CELF2: variants seen among roughly 807,000 people sequenced by gnomAD.
The protein encoded by CELF2 is CUG triplet repeat RNA-binding protein 2.
CELF2 carries 8 observed loss-of-function variants against 62.6 expected under a neutral mutation model. That is an observed-to-expected ratio of 0.13 (90% CI 0.07 to 0.23). CELF2 has a LOEUF of 0.23. Ranked by LOEUF, CELF2 falls within the 10% of genes least tolerant of loss-of-function variation. The probability of loss-of-function intolerance (pLI) is 1.00; values close to 1 mark genes in which losing one functional copy is unlikely to be tolerated. For missense variants in CELF2, 333 were observed against 671.0 expected (o/e 0.50, Z 5.56); for synonymous variants, 258 against 250.0 (o/e 1.03, Z -0.30).
the CELF2 span, among the ~76,000 whole-genome samples, chr10:10,558,306 T>C: frequency 6.6e-6 from 1 of 151,848 alleles, no homozygotes; most frequent in Non-Finnish European, 1.5e-5. Context: ...GTGTTTTTTG[T>C]CTTTGGTTCT....
intron 4 of CELF2, among the ~76,000 whole-genome samples, chr10:11,252,131 G>A (rs989517762): frequency 6.6e-5 from 10 of 152,292 alleles, no homozygotes; most frequent in Non-Finnish European, 1.0e-4. Context: ...GAACAGCTTC[G>A]AGGTTCTCTT....
At chr10:10,800,369 G>C (rs1308552333) in intron 1 of CELF2, among the ~76,000 whole-genome samples, 1 of 148,514 alleles carries the variant, frequency 6.7e-6, no homozygotes, top group Non-Finnish European at 1.5e-5. Context: ...TTTTTTTTTT[G>C]AGATGCAGTT....
At chr10:10,525,328 A>G in the CELF2 span, among the ~76,000 whole-genome samples, 1 of 152,280 alleles carries the variant, frequency 6.6e-6, no homozygotes, top group African/African-American at 2.4e-5. Flanking sequence ...TGGCTGACAC[A>G]AATTCATAAA....
intron 1 of CELF2, among the ~76,000 whole-genome samples, chr10:11,099,643 C>T (rs1019929094): frequency 6.6e-6 from 1 of 152,078 alleles, no homozygotes; most frequent in Non-Finnish European, 1.5e-5. Flanking sequence ...TTTTTGTAGT[C>T]GGTGCTACTC....
rs1282779583 is a variant in CELF2 at position 11,207,965 on chromosome 10, T to C, written c.272-9460T>C. On this transcript the variant is annotated intron_variant, in intron 2 of 12. Coordinates refer to ENST00000633077, the MANE Select transcript of CELF2 (RefSeq NM_001326342.2). The surrounding 1 kb of genome is among the most constrained non-coding windows in gnomAD (Gnocchi z 4.1). ...AGAGGTTTAGGTTATAAAGAGACAT[T>C]TTAGGTGACATGAACAGAGTGTGAA... Among the ~76,000 whole-genome samples the C allele has an allele frequency of 1.3e-5, 2 of 152,166 alleles. No homozygotes were observed. The highest frequency in any genetic ancestry group is 3.9e-4 in the East Asian group (2 of 5,184).
chr10:10,754,443 C>T, the CELF2 span, among the ~76,000 whole-genome samples: 19 of 152,190 alleles, frequency 1.2e-4, no homozygotes, highest in African/African-American at 3.1e-4. Context: ...TAAGCCAACA[C>T]GCTAACCAAA....
rs759524110 is a variant in CELF2 at position 10,814,214 on chromosome 10, T to TAAAAA, written c.53+15419_53+15423dup. ...AAGGAAGAAAGGGAAAGAAGAGTCC[T>TAAAAA]AAAAAAAAAAAAAAAAAAAAAAAAA... On this transcript the variant is annotated intron_variant, in intron 1 of 13. Transcript: ENST00000636488. Among the ~76,000 whole-genome samples, 398 of 44,418 alleles carry TAAAAA rather than the reference T, an allele frequency of 9.0e-3. 66 individuals carry two copies. Among genetic ancestry groups the TAAAAA allele is most frequent in the African/African-American group, 0.034 (377 of 10,994 alleles). 29.1% of individuals were successfully genotyped at this position (44,418 alleles called of 152,430 possible).
At chr10:11,189,247 C>T (rs911994844) in intron 2 of CELF2, among the ~76,000 whole-genome samples, 2 of 152,116 alleles carry the variant, frequency 1.3e-5, no homozygotes, top group African/African-American at 4.8e-5. Context: ...TCACTGGATA[C>T]TCAAGAGGGA....
the CELF2 span, among the ~76,000 whole-genome samples, chr10:10,507,185 T>C: frequency 3.0e-4 from 46 of 152,150 alleles, no homozygotes; most frequent in Non-Finnish European, 6.3e-4. Context: ...TCTTTTTTAA[T>C]AAACAGCCAG....
chr10:10,806,182 A>T (rs1201463129), intron 1 of CELF2, among the ~76,000 whole-genome samples: 1 of 149,754 alleles, frequency 6.7e-6, no homozygotes, highest in Admixed American at 6.7e-5. Flanking sequence ...AGAGCATGGG[A>T]GACACAGGGG....
chr10:11,314,117 G>A lies in CELF2; in HGVS notation c.977-22G>A. ...CTCACCTCGTGTCTTCTCTCCCCTT[G>A]TCTCTGTTTTCCTTTTTTCAGTGGC... On this transcript the variant is annotated intron_variant, in intron 9 of 12. Coordinates refer to ENST00000633077, the MANE Select transcript of CELF2 (RefSeq NM_001326342.2). This position sits in a 1 kb window ranked among gnomAD's most constrained non-coding sequence, Gnocchi z 5.3. 6.7e-7 allele frequency: 1 copy of A among 1,496,366 alleles called. No homozygotes were observed. Among genetic ancestry groups the A allele is most frequent in the South Asian group, 1.2e-5 (1 of 86,300 alleles). The allele number at this position is 1,496,366 out of a possible 1,614,324, so 92.7% of individuals were successfully genotyped here. A position where few individuals can be genotyped will look rare whatever the true frequency, so the allele number is the denominator to read the frequency against.
intron 2 of CELF2, among the ~76,000 whole-genome samples, chr10:11,196,223 GTC>G (rs2057441286): frequency 6.6e-6 from 1 of 152,248 alleles, no homozygotes. Flanking sequence ...CAGCGTCAGC[GTC>G]TTTCTCGAGG....
the CELF2 span, among the ~76,000 whole-genome samples, chr10:10,541,491 G>C: frequency 6.6e-6 from 1 of 152,094 alleles, no homozygotes; most frequent in African/African-American, 2.4e-5. Context: ...CTATTTTATG[G>C]CTATTTCTTG....
At chr10:10,566,855 T>G in the CELF2 span, among the ~76,000 whole-genome samples, 1 of 152,118 alleles carries the variant, frequency 6.6e-6, no homozygotes, top group Non-Finnish European at 1.5e-5. Flanking sequence ...TGAAAATAAG[T>G]AACTATCCTA....
chr10:10,531,507 C>A, the CELF2 span, among the ~76,000 whole-genome samples: 1 of 152,142 alleles, frequency 6.6e-6, no homozygotes. Context: ...CTGACCATAT[C>A]CTCCAGTTCC....
At chr10:10,586,319 C>T in the CELF2 span, among the ~76,000 whole-genome samples, 1 of 152,036 alleles carries the variant, frequency 6.6e-6, no homozygotes, top group African/African-American at 2.4e-5. Flanking sequence ...AACAAAAAGG[C>T]CATGTTTGAC....
intron 1 of CELF2, among the ~76,000 whole-genome samples, chr10:10,843,871 G>A (rs138549438): frequency 6.6e-5 from 10 of 152,058 alleles, no homozygotes; most frequent in East Asian, 5.8e-4. Context: ...CCTTGAAAAC[G>A]GATGGTAGTA....
chr10:10,466,469 G>A, the CELF2 span, among the ~76,000 whole-genome samples: 1 of 151,960 alleles, frequency 6.6e-6, no homozygotes, highest in Non-Finnish European at 1.5e-5. Context: ...TGAACATTTG[G>A]GTACTTTCCA....
At chr10:10,544,830 C>T in the CELF2 span, among the ~76,000 whole-genome samples, 3 of 152,192 alleles carry the variant, frequency 2.0e-5, no homozygotes, top group Non-Finnish European at 4.4e-5. Flanking sequence ...AACTGAATAG[C>T]CATCGAACAA....
Sources: allele counts gnomAD v4.1 joint callset (sites outside exome capture counted in the v4.1 genomes callset), GRCh38; gene constraint gnomAD v4.1.1; non-coding constraint Gnocchi (gnomAD v3.1); transcripts MANE v1.5; gene names NCBI Gene and HGNC (gene_info 2026-07-23, HGNC 2026-07-21).